The following CSMD3 variants were observed in gnomAD, a reference collection of about 807,000 sequenced individuals.
CSMD3 encodes CUB and Sushi multiple domains 3, also known as CUB and sushi domain-containing protein 3.
A neutral mutation model predicts 435.2 loss-of-function variants in CSMD3; 177 were observed. That is an observed-to-expected ratio of 0.41 (90% CI 0.36 to 0.46). The LOEUF is 0.46. Among genes scored for constraint, CSMD3 ranks in the 20% least tolerant of loss-of-function variants. The pLI, the probability that CSMD3 is intolerant of heterozygous loss-of-function variation, is 0.34. For synonymous variants in CSMD3, 1,656 were observed against 1,520.5 expected (o/e 1.09, Z -2.07); for missense variants, 4,265 against 4,504.6 (o/e 0.95, Z 1.52).
intron 4 of CSMD3, among the ~76,000 whole-genome samples, chr8:113,149,734 T>C (rs546092185): frequency 2.0e-5 from 3 of 152,022 alleles, no homozygotes; most frequent in Middle Eastern, 6.8e-3. Flanking sequence ...GAAACTCCTT[T>C]GGTAATAACT....
At chr8:113,430,156 C>T (rs1222058781) in intron 1 of CSMD3, among the ~76,000 whole-genome samples, 2 of 151,976 alleles carry the variant, frequency 1.3e-5, no homozygotes, top group Admixed American at 6.6e-5. Flanking sequence ...GGAACTTAGC[C>T]AAAGTGAAAT....
chr8:113,140,583 A>C (rs2091524861), intron 4 of CSMD3, among the ~76,000 whole-genome samples: 1 of 151,154 alleles, frequency 6.6e-6, no homozygotes, highest in South Asian at 2.1e-4. Flanking sequence ...AAATAATCAA[A>C]CCGGATATCT....
At chr8:113,087,468 C>T (rs944321318) in intron 5 of CSMD3, among the ~76,000 whole-genome samples, 1 of 152,164 alleles carries the variant, frequency 6.6e-6, no homozygotes, top group Non-Finnish European at 1.5e-5. Flanking sequence ...CACTACAAGG[C>T]TACAGTAACC....
At chr8:112,399,483 C>A (rs1217706666) in intron 35 of CSMD3, among the ~76,000 whole-genome samples, 1 of 152,082 alleles carries the variant, frequency 6.6e-6, no homozygotes, top group Non-Finnish European at 1.5e-5. Context: ...CTTCGAACTC[C>A]TGACCTTGTG....
At chr8:112,790,132 A>G (rs1390143090) in intron 13 of CSMD3, among the ~76,000 whole-genome samples, 1 of 150,490 alleles carries the variant, frequency 6.6e-6, no homozygotes, top group Non-Finnish European at 1.5e-5. Flanking sequence ...GCAATGATGT[A>G]TAGTATAGGA....
In CSMD3 at chr8:113,307,435, A is replaced by G. The variant is rs369977653; in HGVS notation, c.401+7136T>C. On this transcript the variant is annotated intron_variant, in intron 2 of 70. Coordinates refer to ENST00000297405, the MANE Select transcript of CSMD3 (RefSeq NM_198123.2). ...TATAAAGCTAACACTCTAAACCTTC[A>G]GAAGAAAATACAGGATATCTTTCCA... 2.0e-4 allele frequency among the ~76,000 whole-genome samples: 31 copies of G among 152,268 alleles called. No individual in the cohort carries two copies. The East Asian group carries it at 5.6e-3, about 27-fold the overall frequency.
chr8:112,397,142 T>C lies in CSMD3; in HGVS notation c.5810-6354A>G, dbSNP rs904069470. On this transcript the variant is annotated intron_variant, in intron 35 of 70. Coordinates refer to ENST00000297405, the MANE Select transcript of CSMD3 (RefSeq NM_198123.2). ...GACATGACCATTTTTATTCAGAACA[T>C]TTTGAAGCTAAAAATATTTATAGTT... 2.6e-5 allele frequency among the ~76,000 whole-genome samples: 4 copies of C among 152,194 alleles called. No homozygotes were observed. In the South Asian group the frequency reaches 8.3e-4, roughly 32 times the overall value.
At chr8:113,420,736 T>TCAGGAGTTGAGGACCACCCTGGC (rs1456533624) in intron 1 of CSMD3, among the ~76,000 whole-genome samples, 1 of 151,928 alleles carries the variant, frequency 6.6e-6, no homozygotes, top group East Asian at 1.9e-4. Flanking sequence ...TCACCTGAGG[T>TCAGGAGTTGAGGACCACCCTGGC]CAGGAGTTGA....
chr8:112,252,106 T>A (rs192547206), intron 63 of CSMD3, among the ~76,000 whole-genome samples: 137 of 151,904 alleles, frequency 9.0e-4, no homozygotes, highest in Middle Eastern at 6.8e-3. Flanking sequence ...AAGAAAATGA[T>A]CTGAGTGCCT....
chr8:112,915,061 G>A (rs950278163), intron 10 of CSMD3, among the ~76,000 whole-genome samples: 2 of 151,742 alleles, frequency 1.3e-5, no homozygotes, highest in African/African-American at 4.8e-5. Context: ...TACATCACAG[G>A]GGAATTTTAA....
chr8:112,569,699 C>T (rs1829349248), intron 24 of CSMD3, among the ~76,000 whole-genome samples: 1 of 152,062 alleles, frequency 6.6e-6, no homozygotes, highest in Non-Finnish European at 1.5e-5. Flanking sequence ...CCAAAAACAG[C>T]CTGCTTGTTC....
chr8:113,024,323 TGTGTGTGTGA>T (rs2131199891), intron 5 of CSMD3, among the ~76,000 whole-genome samples: 1 of 94,488 alleles, frequency 1.1e-5, no homozygotes, highest in East Asian at 4.6e-4. Context: ...TGTGTGTTTG[TGTGTGTGTGA>T]TCACACTTTC....
intron 70 of CSMD3, among the ~76,000 whole-genome samples, chr8:112,226,644 T>C (rs1206746820): frequency 6.6e-6 from 1 of 152,132 alleles, no homozygotes; most frequent in African/African-American, 2.4e-5. Flanking sequence ...GGAGAAAATA[T>C]TTGCAAAACA....
intron 13 of CSMD3, among the ~76,000 whole-genome samples, chr8:112,775,357 G>C (rs2078219416): frequency 6.6e-6 from 1 of 151,684 alleles, no homozygotes; most frequent in Non-Finnish European, 1.5e-5. Context: ...CCAAAAACTA[G>C]AAGTATTTAA....
At chr8:112,679,208 C>A (rs563611290) in intron 16 of CSMD3, among the ~76,000 whole-genome samples, 1 of 151,562 alleles carries the variant, frequency 6.6e-6, no homozygotes, top group African/African-American at 2.4e-5. Context: ...TCAATATAAA[C>A]CTTAATTAGA....
At chr8:113,291,863 A>G (rs2093688691) in intron 2 of CSMD3, among the ~76,000 whole-genome samples, 1 of 151,934 alleles carries the variant, frequency 6.6e-6, no homozygotes, top group Admixed American at 6.6e-5. Context: ...TGAGTATTTT[A>G]TAGTGAAAAT....
intron 3 of CSMD3, among the ~76,000 whole-genome samples, chr8:113,214,977 G>A (rs963008318): frequency 9.9e-5 from 15 of 151,698 alleles, no homozygotes; most frequent in Non-Finnish European, 2.1e-4. Flanking sequence ...GAAATTCTAT[G>A]AATCAGATAT....
At chr8:113,098,727 T>C (rs758912265) in intron 5 of CSMD3, 29 bp downstream of exon 5, 4 of 1,451,412 alleles carry the variant, frequency 2.8e-6, no homozygotes, top group Admixed American at 3.4e-5. Flanking sequence ...ACAACATCAA[T>C]GCAAGGTTAA....
intron 10 of CSMD3, among the ~76,000 whole-genome samples, chr8:112,920,200 T>C (rs1357770127): frequency 6.6e-6 from 1 of 151,860 alleles, no homozygotes; most frequent in Non-Finnish European, 1.5e-5. Context: ...AGGTGATGCA[T>C]GTGCTAGCTA....
Sources: gnomAD v4.1 joint callset for allele counts (sites outside exome capture counted in the v4.1 genomes callset) on GRCh38, gnomAD v4.1.1 for gene constraint, MANE v1.5 for transcripts, NCBI Gene and HGNC (gene_info 2026-07-23, HGNC 2026-07-21) for gene names.